Variants in TMEM132D observed in about 807,000 individuals in gnomAD.
The protein encoded by TMEM132D is mature OL transmembrane protein.
Under a neutral mutation model 62.3 loss-of-function variants are expected in TMEM132D, and 21 were observed. The ratio of observed to expected loss-of-function variants is 0.34; its 90% CI spans 0.24 to 0.49. The LOEUF (loss-of-function observed/expected upper bound fraction) is 0.49. Among genes scored for constraint, TMEM132D ranks in the 20% least tolerant of loss-of-function variants. The pLI is 0.99. For synonymous variants in TMEM132D, 621 were observed against 575.6 expected, an observed-to-expected ratio of 1.08 and a Z score of -1.13; for missense variants, 1,346 against 1,402.8, an observed-to-expected ratio of 0.96 and a Z score of 0.65.
At chr12:129,895,713 A>G (rs1183218512) in intron 1 of TMEM132D, among the ~76,000 whole-genome samples, 2 of 152,194 alleles carry the variant, frequency 1.3e-5, no homozygotes, top group South Asian at 2.1e-4. Flanking sequence ...CACGAAGTCA[A>G]TCTAGAATAT....
At chr12:129,188,762 GGAGAGAGAGAGAGAGAGAGAGAGAGAGA>G in intron 5 of TMEM132D, among the ~76,000 whole-genome samples, 1 of 126,326 alleles carries the variant, frequency 7.9e-6, no homozygotes, top group Non-Finnish European at 1.7e-5. Context: ...AGGGAGAGAG[GGAGAGAGAGAGAGAGAGAGAGAGAGAGA>G]GAGAGAGAGA....
intron 4 of TMEM132D, among the ~76,000 whole-genome samples, chr12:129,227,702 A>G (rs1879519216): frequency 6.6e-6 from 1 of 151,758 alleles, no homozygotes; most frequent in South Asian, 2.1e-4. Flanking sequence ...GCACCCATTA[A>G]CTCATCATTT....
At chr12:129,860,122 CT>C (rs1873844529) in intron 1 of TMEM132D, among the ~76,000 whole-genome samples, 1 of 152,202 alleles carries the variant, frequency 6.6e-6, no homozygotes, top group African/African-American at 2.4e-5. Flanking sequence ...GCAGCTGCCC[CT>C]AGACAGGACA....
At chr12:129,472,932 T>G (rs147582961) in intron 3 of TMEM132D, among the ~76,000 whole-genome samples, 1 of 152,216 alleles carries the variant, frequency 6.6e-6, no homozygotes, top group African/African-American at 2.4e-5. Flanking sequence ...TGGCCTGATC[T>G]CGGCTCACTG....
At chr12:129,756,890 C>A (rs374951440) in intron 1 of TMEM132D, among the ~76,000 whole-genome samples, 1 of 152,176 alleles carries the variant, frequency 6.6e-6, no homozygotes, top group African/African-American at 2.4e-5. Flanking sequence ...TGGAAGGTTG[C>A]GCCCTGATGT....
At chr12:129,264,754 C>G (rs1566016117) in intron 4 of TMEM132D, among the ~76,000 whole-genome samples, 2 of 152,162 alleles carry the variant, frequency 1.3e-5, no homozygotes, top group Non-Finnish European at 2.9e-5. Context: ...AACGAATTAA[C>G]AGCATTTGCA....
intron 2 of TMEM132D, among the ~76,000 whole-genome samples, chr12:129,624,344 G>T (rs113635390): frequency 4.6e-5 from 7 of 152,284 alleles, no homozygotes; most frequent in African/African-American, 1.2e-4. Flanking sequence ...TCAGAGACCC[G>T]GCAGAACAAA....
intron 2 of TMEM132D, among the ~76,000 whole-genome samples, chr12:129,545,056 G>A (rs1384911218): frequency 6.6e-6 from 1 of 152,226 alleles, no homozygotes; most frequent in Non-Finnish European, 1.5e-5. Context: ...CTCCGACAAT[G>A]ATCAGCTTTC....
chr12:129,871,852 C>T (rs1234220046), intron 1 of TMEM132D, among the ~76,000 whole-genome samples: 2 of 152,178 alleles, frequency 1.3e-5, no homozygotes, highest in South Asian at 2.1e-4. Context: ...CTGAACCCCA[C>T]TAAAAATCCC....
In TMEM132D at chr12:129,074,550, G is replaced by A. The variant is rs752144850; in HGVS notation, c.2625C>T (p.Asn875=). ...KKGQESLLDD[N]SHLQTIPSDL... is the part of the protein sequence containing the mutation. ...CGCTGGGGATGGTCTGCAAGTGGCT[G>A]TTGTCATCTAAAAGGCTTTCCTGGC... The change falls in exon 9 of 9, where the codon AAC becomes AAT. Residue 875 remains asparagine, a synonymous_variant. Transcript: ENST00000422113. 4 of 1,614,090 alleles carry A rather than the reference G, an allele frequency of 2.5e-6. No individual in the cohort carries two copies. The highest frequency in any genetic ancestry group is 2.5e-6 in the Non-Finnish European group (3 of 1,180,030).
At chr12:129,781,827 C>T (rs1395318938) in intron 1 of TMEM132D, among the ~76,000 whole-genome samples, 1 of 152,168 alleles carries the variant, frequency 6.6e-6, no homozygotes, top group East Asian at 1.9e-4. Flanking sequence ...TCCATGGGCC[C>T]AGCTAAAATC....
At chr12:129,386,733 C>T (rs1166168126) in intron 3 of TMEM132D, among the ~76,000 whole-genome samples, 1 of 150,598 alleles carries the variant, frequency 6.6e-6, no homozygotes, top group Admixed American at 6.6e-5. Flanking sequence ...AACACCAACG[C>T]CACCAATGCT....
chr12:129,495,951 A>T (rs1373652313), intron 3 of TMEM132D, among the ~76,000 whole-genome samples: 2 of 152,214 alleles, frequency 1.3e-5, no homozygotes, highest in African/African-American at 2.4e-5. Context: ...TTACAAGTCC[A>T]TTATGAAATA....
At chr12:129,501,355 T>G (rs1875134410) in intron 3 of TMEM132D, among the ~76,000 whole-genome samples, 1 of 152,052 alleles carries the variant, frequency 6.6e-6, no homozygotes, top group Admixed American at 6.6e-5. Context: ...GGAACCACCC[T>G]GCAATTTCTC....
intron 3 of TMEM132D, among the ~76,000 whole-genome samples, chr12:129,409,403 C>T (rs755946005): frequency 8.5e-5 from 13 of 152,162 alleles, no homozygotes; most frequent in Non-Finnish European, 1.3e-4. Context: ...TGCACGCACG[C>T]GCCTAGAAGA....
chr12:129,264,676 A>C (rs56128478), intron 4 of TMEM132D, among the ~76,000 whole-genome samples: 3,014 of 152,342 alleles, frequency 0.02, 107 homozygotes, highest in African/African-American at 0.068. Flanking sequence ...CCAAATGCCC[A>C]TCAATCAATG....
chr12:129,379,319 C>T (rs371456208), intron 3 of TMEM132D, among the ~76,000 whole-genome samples: 3 of 152,008 alleles, frequency 2.0e-5, no homozygotes, highest in Non-Finnish European at 4.4e-5. Flanking sequence ...GTGCCTGTCT[C>T]CTAGGAGACA....
At chr12:129,900,151 T>G (rs145169419) in intron 1 of TMEM132D, among the ~76,000 whole-genome samples, 1,746 of 152,296 alleles carry the variant, frequency 0.011, 33 homozygotes, top group African/African-American at 0.038. Context: ...TCCTCTAAGA[T>G]TCTCTGATCC....
chr12:129,137,544 T>C (rs1214948137), intron 5 of TMEM132D, among the ~76,000 whole-genome samples: 2 of 152,216 alleles, frequency 1.3e-5, no homozygotes, highest in Admixed American at 1.3e-4. Flanking sequence ...TTGAGTCTGA[T>C]GTTCAGTGCT....
Sources: allele counts gnomAD v4.1 joint callset (sites outside exome capture counted in the v4.1 genomes callset), GRCh38; gene constraint gnomAD v4.1.1; transcripts MANE v1.5; gene names NCBI Gene and HGNC (gene_info 2026-07-23, HGNC 2026-07-21).